The following TDRD9 variants were observed in gnomAD, a reference collection of about 807,000 sequenced individuals.
TDRD9 encodes the protein tudor domain containing 9.
A neutral mutation model predicts 172.6 loss-of-function variants in TDRD9; 124 were observed. The ratio of observed to expected loss-of-function variants is 0.72; its 90% CI spans 0.62 to 0.83. The LOEUF is 0.83. Among genes scored for constraint, TDRD9 ranks in the 40% least tolerant of loss-of-function variants. TDRD9 has a pLI of 0.00. For missense variants in TDRD9, 1,479 were observed against 1,714.1 expected (o/e 0.86, Z 2.42); for synonymous variants, 619 against 617.1 (o/e 1.00, Z -0.05).
chr14:103,981,971 A>G (rs963605634), intron 7 of TDRD9, among the ~76,000 whole-genome samples: 1 of 151,348 alleles, frequency 6.6e-6, no homozygotes, highest in African/African-American at 2.5e-5. Context: ...TGTTACTGTC[A>G]GTACTCTTGT....
In TDRD9 at chr14:103,971,893, C is replaced by T. The variant is rs150213142; in HGVS notation, c.846+1272C>T. Among the ~76,000 whole-genome samples the T allele has an allele frequency of 2.4e-4, 36 of 152,292 alleles. No individual in the cohort carries two copies. In the East Asian group the frequency reaches 5.6e-3, roughly 24 times the overall value. On this transcript the variant is annotated intron_variant, in intron 6 of 35. Coordinates refer to ENST00000409874, the MANE Select transcript of TDRD9 (RefSeq NM_153046.3). ...TGAAGCTGGGTGGTACAGTGGCTCA[C>T]GCCTGTAATCCCAGCAGTTTGGGGG...
intron 32 of TDRD9, among the ~76,000 whole-genome samples, 178 bp from the exon 33 acceptor site, chr14:104,040,012 TTATAAC>T (rs565318586): frequency 1.6e-3 from 251 of 152,270 alleles, no homozygotes; most frequent in Non-Finnish European, 3.0e-3. Flanking sequence ...TTTACTATTC[TTATAAC>T]TATATTTTAT....
chr14:103,946,620 G>T (rs1346030157), intron 1 of TDRD9, among the ~76,000 whole-genome samples: 1 of 152,178 alleles, frequency 6.6e-6, no homozygotes, highest in Non-Finnish European at 1.5e-5. Context: ...ATCTCTGTTT[G>T]CAGATGATAT....
rs746462121 is a variant in TDRD9 at position 104,006,389 on chromosome 14, G to A, written c.1714G>A (p.Val572Ile). The change falls in exon 16 of 36, where the codon GTT becomes ATT. Residue 572 changes from valine (V) to isoleucine (I), a missense_variant and splice_region_variant. Val to Ile is a conservative substitution (Grantham distance 29). Transcript: ENST00000409874. ...ATAACACTAATTTTATTTTATAAAG[G>A]TTGGAGCACTTGCAGTGAGTGGGCA... The part of the protein sequence containing the change: ...IERTILLLKE[V>I]GALAVSGQRE... 3 of 1,613,218 alleles carry A rather than the reference G, an allele frequency of 1.9e-6. No homozygotes were observed. The highest frequency in any genetic ancestry group is 4.5e-5 in the East Asian group (2 of 44,872).
Position 103,928,584 on chromosome 14 carries a change from G to A in TDRD9, c.75G>A (p.Leu25=), listed in dbSNP as rs1209731621. 1.5e-6 allele frequency: 2 copies of A among 1,365,438 alleles called. No individual in the cohort carries two copies. The highest frequency in any genetic ancestry group is 3.0e-5 in the Admixed American group (1 of 33,034). The allele number at this position is 1,365,438 out of a possible 1,614,324, so 84.6% of individuals were successfully genotyped here. A position where few individuals can be genotyped will look rare whatever the true frequency, so the allele number is the denominator to read the frequency against. ...TIGKTVTNVE[L]LGAPPAFPAG... ...GCAAGACGGTGACCAATGTGGAGCT[G>A]CTGGGCGCGCCGCCCGCCTTCCCGG... Residue 25 remains leucine (L), a synonymous_variant, in exon 1 of 36, where the codon CTG becomes CTA. Coordinates refer to ENST00000409874, the MANE Select transcript of TDRD9 (RefSeq NM_153046.3).
chr14:104,020,826 C>T (rs1377833654), intron 23 of TDRD9, among the ~76,000 whole-genome samples: 3 of 152,116 alleles, frequency 2.0e-5, no homozygotes, highest in African/African-American at 7.2e-5. Context: ...TTAGAACTTG[C>T]ATGCATAGCA....
intron 13 of TDRD9, among the ~76,000 whole-genome samples, chr14:104,002,715 C>CT (rs1029306907): frequency 1.7e-4 from 24 of 143,886 alleles, no homozygotes; most frequent in African/African-American, 5.9e-4. Flanking sequence ...TTAGGCTAAC[C>CT]TTTTTTCTTT....
intron 35 of TDRD9, 119 bp from the exon 36 acceptor site, chr14:104,051,862 T>A (rs926140555): frequency 4.5e-5 from 27 of 606,054 alleles, no homozygotes; most frequent in African/African-American, 4.4e-4. Context: ...AAGTGTTCTG[T>A]AAATATTTTT....
chr14:103,963,003 C>A (rs77580572), intron 2 of TDRD9, 76 bp from the exon 3 acceptor site: 20,400 of 734,812 alleles, frequency 0.028, 426 homozygotes, highest in East Asian at 0.064. Context: ...TATGCTGTAT[C>A]TATAGATTAG....
intron 1 of TDRD9, among the ~76,000 whole-genome samples, chr14:103,938,572 G>T (rs2030966050): frequency 6.6e-6 from 1 of 150,406 alleles, no homozygotes. Flanking sequence ...CCAAGTAGCT[G>T]GGACTACAGG....
intron 1 of TDRD9, among the ~76,000 whole-genome samples, chr14:103,948,393 G>A (rs933229814): frequency 6.6e-6 from 1 of 152,120 alleles, no homozygotes; most frequent in Non-Finnish European, 1.5e-5. Context: ...TACTGTTGGT[G>A]AGAATGTAAA....
chr14:103,933,514 ACTTT>A (rs1175658215), intron 1 of TDRD9, among the ~76,000 whole-genome samples: 3 of 152,112 alleles, frequency 2.0e-5, no homozygotes, highest in Non-Finnish European at 4.4e-5. Flanking sequence ...TCTGGTGATT[ACTTT>A]CTTCTAGTTC....
chr14:104,031,201 T>G lies in TDRD9; in HGVS notation c.3376T>G (p.Tyr1126Asp), dbSNP rs2035269192. The change falls in exon 29 of 36, where the codon TAT (tyrosine) becomes GAT (aspartate). Residue 1126 changes from tyrosine (Y) to aspartate (D), a missense_variant. Coordinates refer to ENST00000409874, the MANE Select transcript of TDRD9 (RefSeq NM_153046.3). ...CTTTCCCATGAAAGACGACGAGAAA[T>G]ATCTCATCCGGATTTTGTTAGAGAG... ...VPFPMKDDEK[Y>D]LIRILLESFS... 1.3e-6 allele frequency: 2 copies of G among 1,551,832 alleles called. No individual in the cohort carries two copies. Among genetic ancestry groups the G allele is most frequent in the African/African-American group, 2.7e-5 (2 of 73,164 alleles).
At chr14:104,020,419 C>A (rs555106193) in intron 23 of TDRD9, among the ~76,000 whole-genome samples, 4 of 152,212 alleles carry the variant, frequency 2.6e-5, no homozygotes, top group East Asian at 1.9e-4. Flanking sequence ...GTGAGAGGAG[C>A]CCAAGAGCAT....
chr14:104,046,931 C>CCA (rs1002253088), intron 34 of TDRD9, among the ~76,000 whole-genome samples: 12 of 152,202 alleles, frequency 7.9e-5, no homozygotes, highest in African/African-American at 2.7e-4. Context: ...CAGGCGTGAG[C>CCA]CACCGCACCT....
chr14:104,019,529 C>T (rs1322961018), intron 23 of TDRD9, among the ~76,000 whole-genome samples: 1 of 152,106 alleles, frequency 6.6e-6, no homozygotes, highest in Non-Finnish European at 1.5e-5. Flanking sequence ...AGTCATAATA[C>T]AAATGTCATA....
At chr14:103,939,574 T>TA (rs1428960513) in intron 1 of TDRD9, among the ~76,000 whole-genome samples, 1 of 150,244 alleles carries the variant, frequency 6.7e-6, no homozygotes, top group Non-Finnish European at 1.5e-5. Flanking sequence ...TAAACCCTGA[T>TA]CAGGTGGGTT....
At chr14:104,022,421 C>A in intron 24 of TDRD9, 91 bp downstream of exon 24, 1 of 1,358,874 alleles carries the variant, frequency 7.4e-7, no homozygotes, top group Non-Finnish European at 1.0e-6. Flanking sequence ...GGCATTGCTT[C>A]AGATCATGGT....
intron 1 of TDRD9, among the ~76,000 whole-genome samples, chr14:103,939,505 C>T (rs2031034774): frequency 6.6e-6 from 1 of 151,856 alleles, no homozygotes. Context: ...CTGAAAATCT[C>T]AGAGCAGGAA....
Sources: allele counts gnomAD v4.1 joint callset (sites outside exome capture counted in the v4.1 genomes callset), GRCh38; gene constraint gnomAD v4.1.1; transcripts MANE v1.5; gene names NCBI Gene and HGNC (gene_info 2026-07-23, HGNC 2026-07-21).